The following TCF12 variants were observed in gnomAD, a reference collection of about 807,000 sequenced individuals.
TCF12 encodes transcription factor 12, also known as DNA-binding protein HTF4.
Under a neutral mutation model 86.0 loss-of-function variants are expected in TCF12, and 45 were observed. The observed-to-expected ratio is 0.52, with a 90% confidence interval of 0.41 to 0.67. The LOEUF (loss-of-function observed/expected upper bound fraction) is 0.67, where lower values mean the gene tolerates loss of function less well. TCF12 is among the 30% of genes least tolerant of loss of function. The pLI is 0.00. For missense variants in TCF12, 881 were observed against 859.9 expected (o/e 1.02, Z -0.31); for synonymous variants, 330 against 299.6 (o/e 1.10, Z -1.05).
At chr15:57,280,997 A>T (rs899201864) in intron 19 of TCF12, among the ~76,000 whole-genome samples, 4 of 152,210 alleles carry the variant, frequency 2.6e-5, no homozygotes, top group Admixed American at 6.5e-5. Flanking sequence ...CTCATTTTTT[A>T]AAAAATCCAA....
At chr15:57,273,343 G>A (rs2061233192) in intron 19 of TCF12, 81 bp downstream of exon 19, 4 of 1,426,370 alleles carry the variant, frequency 2.8e-6, no homozygotes, top group Non-Finnish European at 3.9e-6. Flanking sequence ...CTTCTGCTTG[G>A]AGAAGTTGTT....
intron 3 of TCF12, among the ~76,000 whole-genome samples, chr15:56,953,999 A>G (rs1465845836): frequency 6.6e-6 from 1 of 150,776 alleles, no homozygotes; most frequent in African/African-American, 2.4e-5. Context: ...GAGGTACATT[A>G]TGAGGTCATC....
chr15:57,133,885 T>A (rs1279211643), intron 5 of TCF12, among the ~76,000 whole-genome samples: 3 of 152,238 alleles, frequency 2.0e-5, no homozygotes, highest in Non-Finnish European at 2.9e-5. Flanking sequence ...TATTTCTAAT[T>A]TGTGCAAGTT....
chr15:57,008,668 G>T (rs1360909873), intron 3 of TCF12, among the ~76,000 whole-genome samples: 6 of 152,156 alleles, frequency 3.9e-5, no homozygotes, highest in Non-Finnish European at 7.4e-5. Context: ...TACAGGTAGA[G>T]ATTACAGAGG....
At chr15:57,140,909 G>T (rs537837530) in intron 5 of TCF12, among the ~76,000 whole-genome samples, 1 of 151,902 alleles carries the variant, frequency 6.6e-6, no homozygotes, top group Non-Finnish European at 1.5e-5. Flanking sequence ...TTACATCTCT[G>T]TCAAGGTATT....
intron 3 of TCF12, among the ~76,000 whole-genome samples, chr15:56,930,951 A>G (rs2060219493): frequency 6.6e-6 from 1 of 152,142 alleles, no homozygotes; most frequent in South Asian, 2.1e-4. Flanking sequence ...ATATACCTAT[A>G]TACTATGTTT....
intron 13 of TCF12, chr15:57,246,955 GT>G (rs769931446): frequency 1.9e-6 from 1 of 533,256 alleles, no homozygotes; most frequent in Non-Finnish European, 3.7e-6. Context: ...CTTTTCTGCT[GT>G]TTTTAGAACC....
At chr15:57,247,860 C>G in intron 13 of TCF12, 1 of 758,902 alleles carries the variant, frequency 1.3e-6, no homozygotes, top group Middle Eastern at 2.4e-4. Flanking sequence ...ACCACACAAT[C>G]TGTGAGTGTG....
chr15:57,186,056 T>C (rs2056649303), intron 6 of TCF12, among the ~76,000 whole-genome samples: 1 of 152,196 alleles, frequency 6.6e-6, no homozygotes, highest in South Asian at 2.1e-4. Flanking sequence ...TGAATAATTG[T>C]CTGCTAAAAA....
intron 4 of TCF12, among the ~76,000 whole-genome samples, chr15:57,089,602 T>C (rs1247223447): frequency 7.7e-6 from 1 of 130,396 alleles, no homozygotes; most frequent in African/African-American, 2.9e-5. Context: ...TTTTTTTTTT[T>C]AACTGTAGTG....
At chr15:57,097,433 A>G (rs1421752689) in intron 5 of TCF12, among the ~76,000 whole-genome samples, 2 of 151,980 alleles carry the variant, frequency 1.3e-5, no homozygotes, top group African/African-American at 4.8e-5. Context: ...GGAGGCTGAG[A>G]GGGAGGATTC....
chr15:57,161,612 C>G lies in TCF12; in HGVS notation c.326-4790C>G, dbSNP rs562772561. ...TTCTACTAGAGTTGGGTTTCTTAAC[C>G]TGGAGTCCAGAGAATCCCAGGACAG... On this transcript the variant is annotated intron_variant, in intron 5 of 20. Coordinates refer to ENST00000333725, the MANE Select transcript of TCF12 (RefSeq NM_207037.2). Among the ~76,000 whole-genome samples the G allele has an allele frequency of 3.3e-5, 5 of 152,202 alleles. No individual in the cohort carries two copies. The East Asian group carries it at 7.7e-4, about 24-fold the overall frequency.
At chr15:56,973,352 C>T (rs149484425) in intron 3 of TCF12, among the ~76,000 whole-genome samples, 134 of 152,072 alleles carry the variant, frequency 8.8e-4, no homozygotes, top group Non-Finnish European at 1.6e-3. Context: ...CAGGAGTGCT[C>T]AAAGAATAAT....
At chr15:57,254,285 A>T (rs2060246304) in intron 16 of TCF12, among the ~76,000 whole-genome samples, 1 of 152,188 alleles carries the variant, frequency 6.6e-6, no homozygotes, top group South Asian at 2.1e-4. Context: ...TAATTGCCCT[A>T]AATGCTGAAG....
intron 4 of TCF12, among the ~76,000 whole-genome samples, chr15:57,078,320 T>G (rs1039581977): frequency 7.9e-5 from 12 of 152,168 alleles, no homozygotes; most frequent in African/African-American, 2.9e-4. Flanking sequence ...TCATTTAAAT[T>G]TTTACTGTTT....
At chr15:56,928,391 G>A (rs752641178) in intron 3 of TCF12, among the ~76,000 whole-genome samples, 1 of 152,026 alleles carries the variant, frequency 6.6e-6, no homozygotes, top group East Asian at 1.9e-4. Flanking sequence ...AGTGTTTATT[G>A]AACTCCTATT....
At chr15:57,113,567 T>C (rs540052895) in intron 5 of TCF12, among the ~76,000 whole-genome samples, 126 of 152,042 alleles carry the variant, frequency 8.3e-4, no homozygotes, top group Non-Finnish European at 5.7e-4. Context: ...CTTTTAATGC[T>C]CATTTCCTAA....
chr15:57,250,067 A>G (rs1318477009), intron 13 of TCF12, among the ~76,000 whole-genome samples: 1 of 151,934 alleles, frequency 6.6e-6, no homozygotes, highest in Non-Finnish European at 1.5e-5. Context: ...TTAGATTTAT[A>G]CCTTTCTAAC....
In TCF12 at chr15:56,940,633, C is replaced by CTCTCCT. The variant is rs1173107120; in HGVS notation, c.148+19547_148+19552dup. On this transcript the variant is annotated intron_variant, in intron 3 of 20. Transcript: ENST00000333725. ...CTTCTTCTCCCTCTCCTCCTTCTCC[C>CTCTCCT]TCTCCTTCTCCTTCTCCCTCTCCTC... 4.1e-5 allele frequency among the ~76,000 whole-genome samples: 6 copies of CTCTCCT among 146,088 alleles called. No homozygotes were observed. In the Admixed American group the frequency reaches 4.1e-4, roughly 10 times the overall value.
Sources: gnomAD v4.1 joint callset for allele counts (sites outside exome capture counted in the v4.1 genomes callset) on GRCh38, gnomAD v4.1.1 for gene constraint, MANE v1.5 for transcripts, NCBI Gene and HGNC (gene_info 2026-07-23, HGNC 2026-07-21) for gene names.